The following NYAP2 variants were observed in gnomAD, a reference collection of about 807,000 sequenced individuals.
NYAP2 encodes the protein neuronal tyrosine-phosphorylated phosphoinositide-3-kinase adaptor 2, also known as neuronal tyrosine-phosphorylated phosphoinositide-3-kinase adapter 2.
NYAP2 carries 23 observed loss-of-function variants against 50.4 expected under a neutral mutation model. The ratio of observed to expected loss-of-function variants is 0.46; its 90% confidence interval spans 0.33 to 0.65. The LOEUF is 0.65. Ranked by LOEUF, NYAP2 falls within the 30% of genes least tolerant of loss-of-function variation. The probability of loss-of-function intolerance (pLI) is 0.02; values close to 1 mark genes in which losing one functional copy is unlikely to be tolerated. For synonymous variants in NYAP2, 394 were observed against 365.2 expected, an observed-to-expected ratio of 1.08 and a Z score of -0.90; for missense variants, 885 against 861.0, an observed-to-expected ratio of 1.03 and a Z score of -0.35.
Position 225,582,854 on chromosome 2 carries a change from C to A in NYAP2, c.1437C>A (p.Pro479=), listed in dbSNP as rs774130262. The change falls in exon 5 of 7, where the codon CCC becomes CCA. Residue 479 remains proline, a synonymous_variant. Coordinates refer to ENST00000636099, the Ensembl canonical transcript of NYAP2. This position sits in a 1 kb window ranked among gnomAD's most constrained non-coding sequence, Gnocchi z 7.0. ...CAGTGCCTCACTCGACCCCCAGACC[C>A]GTGTCGCAAGATGGGGCCAAGATGG... The A allele has an allele frequency of 5.0e-6, 8 of 1,613,700 alleles. No homozygotes were observed. The highest frequency in any genetic ancestry group is 1.7e-6 in the Non-Finnish European group (2 of 1,179,886).
the NYAP2 span, among the ~76,000 whole-genome samples, chr2:225,680,498 C>CT: frequency 6.6e-6 from 1 of 151,956 alleles, no homozygotes; most frequent in Non-Finnish European, 1.5e-5. Flanking sequence ...TCAAGAAATT[C>CT]TTTTTTAAAA....
chr2:225,459,976 T>C (rs1367833749), intron 3 of NYAP2, among the ~76,000 whole-genome samples: 1 of 152,164 alleles, frequency 6.6e-6, no homozygotes, highest in Admixed American at 6.6e-5. Context: ...CCAGCCTCTA[T>C]TGATGTTTTG....
chr2:225,629,027 T>C (rs1574718559), intron 6 of NYAP2, among the ~76,000 whole-genome samples: 1 of 152,150 alleles, frequency 6.6e-6, no homozygotes, highest in Non-Finnish European at 1.5e-5. Context: ...AGAGATTTAT[T>C]ATGAGGGATT....
chr2:225,542,976 T>C (rs1337192000), intron 4 of NYAP2, among the ~76,000 whole-genome samples: 1 of 152,136 alleles, frequency 6.6e-6, no homozygotes, highest in Non-Finnish European at 1.5e-5. Flanking sequence ...TTTGAATTTC[T>C]TCATGGTTCA....
chr2:225,454,474 T>C (rs1212857749), intron 3 of NYAP2, among the ~76,000 whole-genome samples: 1 of 152,184 alleles, frequency 6.6e-6, no homozygotes, highest in Non-Finnish European at 1.5e-5. Flanking sequence ...GATATTAGCT[T>C]CAATTTTAGT....
At chr2:225,660,508 C>T in the NYAP2 span, among the ~76,000 whole-genome samples, 1 of 145,386 alleles carries the variant, frequency 6.9e-6, no homozygotes, top group Non-Finnish European at 1.5e-5. Context: ...TTTTAAATGC[C>T]TATTTTTTTT....
At chr2:225,626,043 C>T (rs1297362844) in intron 5 of NYAP2, among the ~76,000 whole-genome samples, 1 of 152,150 alleles carries the variant, frequency 6.6e-6, no homozygotes, top group African/African-American at 2.4e-5. Context: ...GGCATTATCA[C>T]TTAAAGAAAG....
At chr2:225,621,400 A>T (rs1265563869) in intron 5 of NYAP2, among the ~76,000 whole-genome samples, 1 of 152,230 alleles carries the variant, frequency 6.6e-6, no homozygotes, top group Non-Finnish European at 1.5e-5. Flanking sequence ...ATTTGATTCC[A>T]CTTACATGAC....
chr2:225,510,441 T>C (rs1690790616), intron 3 of NYAP2, among the ~76,000 whole-genome samples: 1 of 152,204 alleles, frequency 6.6e-6, no homozygotes, highest in African/African-American at 2.4e-5. Flanking sequence ...ATTCAACAGG[T>C]ATGATTCAAT....
At position 225,472,872 on chromosome 2, in the gene NYAP2, A is replaced by G. The variant is rs369640025; in HGVS notation, c.222-40499A>G. The stretch of plus-strand genomic sequence containing the variant: ...TGTGCACAACGTGCAGGTTTGTTAC[A>G]TATGTATACATGTGCCATGTTGGTG... On this transcript the variant is annotated intron_variant, in intron 3 of 6. Coordinates refer to ENST00000636099, the Ensembl canonical transcript of NYAP2. 3.3e-5 allele frequency among the ~76,000 whole-genome samples: 5 copies of G among 152,154 alleles called. No homozygotes were observed. The East Asian group carries it at 7.7e-4, about 24-fold the overall frequency.
intron 4 of NYAP2, among the ~76,000 whole-genome samples, chr2:225,549,763 C>T (rs1021162620): frequency 3.3e-5 from 5 of 152,038 alleles, no homozygotes; most frequent in East Asian, 1.9e-4. Context: ...GGGTGGATCA[C>T]CTGAGGTCAG....
chr2:225,469,797 C>T (rs1689983386), intron 3 of NYAP2, among the ~76,000 whole-genome samples: 1 of 151,284 alleles, frequency 6.6e-6, no homozygotes, highest in Non-Finnish European at 1.5e-5. Context: ...TGGAGTTGAA[C>T]AATGAGAACA....
At chr2:225,610,828 G>A (rs1447772441) in intron 5 of NYAP2, among the ~76,000 whole-genome samples, 1 of 152,080 alleles carries the variant, frequency 6.6e-6, no homozygotes, top group Non-Finnish European at 1.5e-5. Flanking sequence ...TTCTAAACAT[G>A]CACAATGCCT....
At chr2:225,671,343 C>A in the NYAP2 span, among the ~76,000 whole-genome samples, 1 of 152,074 alleles carries the variant, frequency 6.6e-6, no homozygotes, top group African/African-American at 2.4e-5. Context: ...GTTCATAGCA[C>A]CTTTACCAGG....
chr2:225,528,389 C>T (rs1405635236), intron 4 of NYAP2, among the ~76,000 whole-genome samples: 2 of 152,102 alleles, frequency 1.3e-5, no homozygotes, highest in Non-Finnish European at 2.9e-5. Flanking sequence ...CTTTGCTCCA[C>T]ATAATGGAAA....
downstream of NYAP2, among the ~76,000 whole-genome samples, chr2:225,655,952 A>ACC (rs1693818887): frequency 1.3e-5 from 2 of 151,192 alleles, no homozygotes; most frequent in African/African-American, 4.9e-5. Context: ...ACACACACAC[A>ACC]CCAACACAAT....
At chr2:225,457,659 T>C (rs1196571972) in intron 3 of NYAP2, among the ~76,000 whole-genome samples, 1 of 152,224 alleles carries the variant, frequency 6.6e-6, no homozygotes, top group Non-Finnish European at 1.5e-5. Context: ...ATAATAGTTA[T>C]GACTGAACAG....
intron 6 of NYAP2, among the ~76,000 whole-genome samples, chr2:225,637,916 T>C (rs1693450578): frequency 6.6e-6 from 1 of 152,250 alleles, no homozygotes; most frequent in East Asian, 1.9e-4. Context: ...TAATAGAAGA[T>C]AATGACTCTC....
chr2:225,615,459 C>T (rs1692971494), intron 5 of NYAP2, among the ~76,000 whole-genome samples: 1 of 152,100 alleles, frequency 6.6e-6, no homozygotes, highest in Non-Finnish European at 1.5e-5. Context: ...ATTCCAACGT[C>T]TGGATATTTG....
Sources: gnomAD v4.1 joint callset for allele counts (sites outside exome capture counted in the v4.1 genomes callset) on GRCh38, gnomAD v4.1.1 for gene constraint, Gnocchi (gnomAD v3.1) non-coding constraint, MANE v1.5 for transcripts, NCBI Gene and HGNC (gene_info 2026-07-23, HGNC 2026-07-21) for gene names.